Variants in POLR3B observed in about 807,000 individuals in gnomAD.
POLR3B encodes DNA-directed RNA polymerase III subunit RPC2.
In POLR3B, 96 loss-of-function variants were observed where a neutral mutation model predicts 147.4. The observed-to-expected ratio is 0.65, with a 90% CI of 0.55 to 0.77. The LOEUF is 0.77. Ranked by LOEUF, POLR3B falls within the 30% of genes least tolerant of loss-of-function variation. POLR3B has a pLI of 0.00. For synonymous variants in POLR3B, 461 were observed against 485.9 expected, an observed-to-expected ratio of 0.95 and a Z score of 0.67; for missense variants, 1,036 against 1,413.5, an observed-to-expected ratio of 0.73 and a Z score of 4.28.
chr12:106,449,082 G>T lies in POLR3B; in HGVS notation c.2083+4492G>T, dbSNP rs1346184645. 2.0e-5 allele frequency among the ~76,000 whole-genome samples: 3 copies of T among 151,990 alleles called. No homozygotes were observed. The East Asian group carries it at 5.8e-4, about 29-fold the overall frequency. On this transcript the variant is annotated intron_variant, in intron 19 of 27. Transcript: ENST00000228347. ...AGTGTTTCAGATTTTGGATTTTTTT[G>T]ATTTTGAAATATTTGCATATACATA... is the stretch of plus-strand genomic sequence containing the variant.
intron 12 of POLR3B, among the ~76,000 whole-genome samples, chr12:106,419,868 A>G (rs1373436073): frequency 4.6e-5 from 6 of 131,720 alleles, no homozygotes; most frequent in South Asian, 2.4e-4. Flanking sequence ...GTTACATGCT[A>G]TCTCAAAATG....
At chr12:106,496,283 C>A in intron 24 of POLR3B, 125 bp downstream of exon 24, 1 of 731,610 alleles carries the variant, frequency 1.4e-6, no homozygotes, top group East Asian at 2.6e-5. Flanking sequence ...CTCTTCTGCC[C>A]CTTGCCAGAT....
chr12:106,447,197 C>G (rs1170740692), intron 19 of POLR3B, among the ~76,000 whole-genome samples: 1 of 152,138 alleles, frequency 6.6e-6, no homozygotes, highest in Non-Finnish European at 1.5e-5. Context: ...AATTAATTCA[C>G]TAAATATTCT....
chr12:106,490,552 G>GC (rs1336068807), intron 23 of POLR3B, among the ~76,000 whole-genome samples: 1 of 152,144 alleles, frequency 6.6e-6, no homozygotes, highest in Non-Finnish European at 1.5e-5. Context: ...CCGGTATATG[G>GC]CAAGTGATGT....
rs199545845 is a variant in POLR3B, at chr12:106,496,863, G to A, written c.2929G>A (p.Val977Ile). 96 of 1,614,040 alleles carry A rather than the reference G, an allele frequency of 5.9e-5. No individual in the cohort carries two copies. Among genetic ancestry groups the A allele is most frequent in the Admixed American group, 1.0e-4 (6 of 60,004 alleles). ...SKVKDVCEDLVRHGYNYLGKD... is the reference protein window; with the variant it reads ...SKVKDVCEDLIRHGYNYLGKD... ...AGTGAAGGATGTGTGTGAGGACCTC[G>A]TTCGCCATGGTTATAACTACTTGGG... is the stretch of plus-strand genomic sequence containing the variant. Residue 977 changes from valine to isoleucine, a missense_variant, in exon 25 of 28, where the codon GTT (valine) becomes ATT (isoleucine). Coordinates refer to ENST00000228347, the MANE Select transcript of POLR3B (RefSeq NM_018082.6).
At position 106,444,567 on chromosome 12, in the gene POLR3B, GT is replaced by G; in HGVS notation, c.2061del (p.Cys687TrpfsTer11). The part of the protein sequence containing the change: ...HNQSPRNTYQ[C>X]AMGKQAMGTI... ...CAGTCACCGAGAAACACTTATCAGTGTGCCATGGGGAAACAAGCCATGGGTA... is the reference window on the plus strand; with the variant it reads ...CAGTCACCGAGAAACACTTATCAGTGGCCATGGGGAAACAAGCCATGGGTA... On this transcript the variant is annotated frameshift_variant, in exon 19 of 28. Coordinates refer to ENST00000228347, the MANE Select transcript of POLR3B (RefSeq NM_018082.6). LOFTEE classifies it high-confidence loss of function. 1 of 1,613,862 alleles carries G rather than the reference GT, an allele frequency of 6.2e-7. No individual in the cohort carries two copies. The highest frequency in any genetic ancestry group is 8.5e-7 in the Non-Finnish European group (1 of 1,179,902).
chr12:106,358,045 C>CGGTTTGTGCGCATGCGCCG lies in POLR3B; in HGVS notation c.72+97_72+115dup. ...TCGGGCCGCCAAGGGGGCGGGCTGG[C>CGGTTTGTGCGCATGCGCCG]GGTTTGTGCGCATGCGCCGGGCTTC... On this transcript the variant is annotated intron_variant, in intron 1 of 27. Coordinates refer to ENST00000228347, the MANE Select transcript of POLR3B (RefSeq NM_018082.6). 3 of 1,564,010 alleles carry CGGTTTGTGCGCATGCGCCG rather than the reference C, an allele frequency of 1.9e-6. No individual in the cohort carries two copies. The South Asian group carries it at 3.5e-5, about 18-fold the overall frequency.
chr12:106,435,435 G>A (rs1429105110), intron 16 of POLR3B, among the ~76,000 whole-genome samples: 1 of 152,116 alleles, frequency 6.6e-6, no homozygotes, highest in South Asian at 2.1e-4. Flanking sequence ...GTGAGCCATC[G>A]CACCCAGCAC....
In POLR3B at chr12:106,509,631, C is replaced by T. The variant is rs2038744462; in HGVS notation, c.*82C>T. ...CAGAAGGGATTTAGGACTACGTCTCCTCCTGTGAAGAATTCCCTTGCGTAT... is the reference window on the plus strand; with the variant it reads ...CAGAAGGGATTTAGGACTACGTCTCTTCCTGTGAAGAATTCCCTTGCGTAT... On this transcript the variant is annotated 3_prime_UTR_variant, in exon 28 of 28. Coordinates refer to ENST00000228347, the MANE Select transcript of POLR3B (RefSeq NM_018082.6). The T allele has an allele frequency of 7.8e-7, 1 of 1,277,462 alleles. No homozygotes were observed. Among genetic ancestry groups the T allele is most frequent in the African/African-American group, 1.5e-5 (1 of 68,630 alleles). The allele number at this position is 1,277,462 out of a possible 1,614,324, so 79.1% of individuals were successfully genotyped here. A position where few individuals can be genotyped will look rare whatever the true frequency, so the allele number is the denominator to read the frequency against.
chr12:106,385,954 T>A (rs2036830045), intron 9 of POLR3B, among the ~76,000 whole-genome samples: 1 of 152,242 alleles, frequency 6.6e-6, no homozygotes, highest in African/African-American at 2.4e-5. Context: ...CTTTACGGTT[T>A]GCATTTTTTA....
chr12:106,463,243 G>A (rs1394793123), intron 22 of POLR3B, among the ~76,000 whole-genome samples: 1 of 152,110 alleles, frequency 6.6e-6, no homozygotes, highest in Admixed American at 6.6e-5. Flanking sequence ...TAACAGTATG[G>A]ACTGTTGTGA....
At chr12:106,386,335 T>G (rs2036836947) in intron 9 of POLR3B, among the ~76,000 whole-genome samples, 1 of 131,376 alleles carries the variant, frequency 7.6e-6, no homozygotes. Context: ...AGAGGGAGAC[T>G]CCGTCTCAAA....
rs980761898 is a variant in POLR3B, at chr12:106,496,503, C to A, written c.2818-249C>A. ...GCTCCACCTCTTACCAGCTGTGTGG[C>A]CTTGGACAAGTTGCTTATCCTTCCC... On this transcript the variant is annotated intron_variant, in intron 24 of 27. Coordinates refer to ENST00000228347, the MANE Select transcript of POLR3B (RefSeq NM_018082.6). 1.0e-5 allele frequency: 6 copies of A among 600,988 alleles called. No homozygotes were observed. The African/African-American group carries it at 1.1e-4, about 11-fold the overall frequency. The allele number at this position is 600,988 out of a possible 1,614,324, so 37.2% of individuals were successfully genotyped here.
At chr12:106,460,295 T>A (rs967650133) in intron 22 of POLR3B, among the ~76,000 whole-genome samples, 1 of 152,244 alleles carries the variant, frequency 6.6e-6, no homozygotes, top group Non-Finnish European at 1.5e-5. Context: ...ACTGTACCAG[T>A]TACTGTTCTG....
chr12:106,360,599 C>G (rs2036456685), intron 1 of POLR3B, among the ~76,000 whole-genome samples: 2 of 152,200 alleles, frequency 1.3e-5, no homozygotes, highest in African/African-American at 2.4e-5. Flanking sequence ...GCAACTTTTT[C>G]TAGTTAGGAG....
At chr12:106,453,275 G>A (rs2037821590) in intron 19 of POLR3B, among the ~76,000 whole-genome samples, 1 of 152,092 alleles carries the variant, frequency 6.6e-6, no homozygotes, top group Non-Finnish European at 1.5e-5. Context: ...ACCTCGCAAA[G>A]TGCTGGGATT....
chr12:106,423,378 A>G (rs1028183139), intron 12 of POLR3B, among the ~76,000 whole-genome samples: 1 of 152,324 alleles, frequency 6.6e-6, no homozygotes, highest in Non-Finnish European at 1.5e-5. Flanking sequence ...GATAGATAAG[A>G]TAGGAAGGAA....
chr12:106,412,217 GT>G (rs538729895), intron 12 of POLR3B, among the ~76,000 whole-genome samples: 14 of 146,422 alleles, frequency 9.6e-5, no homozygotes, highest in African/African-American at 1.5e-4. Flanking sequence ...CCAGTTTTTT[GT>G]TTTTTTTTTA....
At chr12:106,506,114 G>T (rs1021446430) in intron 27 of POLR3B, among the ~76,000 whole-genome samples, 2 of 152,088 alleles carry the variant, frequency 1.3e-5, no homozygotes, top group Non-Finnish European at 2.9e-5. Context: ...TGAGATGGGG[G>T]TTTGCTTCAG....
Sources: gnomAD v4.1 joint callset for allele counts (sites outside exome capture counted in the v4.1 genomes callset) on GRCh38, gnomAD v4.1.1 for gene constraint, MANE v1.5 for transcripts, NCBI Gene and HGNC (gene_info 2026-07-23, HGNC 2026-07-21) for gene names.